Variants in PGM1 observed in about 807,000 individuals in gnomAD.
PGM1 encodes the protein phosphoglucomutase 1, also known as phosphoglucomutase-1.
Under a neutral mutation model 55.6 loss-of-function variants are expected in PGM1, and 52 were observed. The ratio of observed to expected loss-of-function variants is 0.94; its 90% CI spans 0.75 to 1.18. The LOEUF is 1.18. Among genes scored for constraint, PGM1 ranks in the 50% most tolerant of loss-of-function variants. The pLI is 0.00. For missense variants in PGM1, 724 were observed against 729.3 expected (o/e 0.99, Z 0.08); for synonymous variants, 287 against 271.7 (o/e 1.06, Z -0.55).
At position 63,593,592 on chromosome 1, in the gene PGM1, A is replaced by T; in HGVS notation, c.104A>T (p.Tyr35Phe). 1 of 1,613,646 alleles carries T rather than the reference A, an allele frequency of 6.2e-7. No individual in the cohort carries two copies. Among genetic ancestry groups the T allele is most frequent in the Non-Finnish European group, 8.5e-7 (1 of 1,179,894 alleles). The change falls in exon 1 of 11, where the codon TAC (tyrosine) becomes TTC (phenylalanine). Residue 35 changes from tyrosine to phenylalanine, a missense_variant. Coordinates refer to ENST00000371084, the MANE Select transcript of PGM1 (RefSeq NM_002633.3). Reference sequence around the variant, plus strand: ...AAGGTGTTCCAGAGCAGCGCCAACTACGCGGAGAACTTCATCCAGAGTATC... The same window carrying T: ...AAGGTGTTCCAGAGCAGCGCCAACTTCGCGGAGAACTTCATCCAGAGTATC... ...RVKVFQSSAN[Y>F]AENFIQSIIS...
rs1649324857 is a variant in PGM1 at position 63,634,967 on chromosome 1, A to T, written c.821A>T (p.Glu274Val). The T allele has an allele frequency of 1.9e-6, 3 of 1,613,922 alleles. No individual in the cohort carries two copies. In the Admixed American group the frequency reaches 5.0e-5, roughly 27 times the overall value. ...CTCACCTATGCAGCTGACCTGGTGG[A>T]GACCATGAAGTCAGGAGAGCATGAT... ...PNLTYAADLV[E>V]TMKSGEHDFG... Residue 274 changes from glutamate to valine, a missense_variant, in exon 5 of 11, where the codon GAG becomes GTG. Transcript: ENST00000371084.
At chr1:63,615,858 C>T (rs1648698356) in intron 1 of PGM1, among the ~76,000 whole-genome samples, 1 of 151,876 alleles carries the variant, frequency 6.6e-6, no homozygotes, top group African/African-American at 2.4e-5. Context: ...GAGGGCCAAC[C>T]ACTGCCTGCC....
At chr1:63,632,653 G>T (rs996752762) in intron 4 of PGM1, among the ~76,000 whole-genome samples, 1 of 152,224 alleles carries the variant, frequency 6.6e-6, no homozygotes, top group Non-Finnish European at 1.5e-5. Context: ...TGGGGAATAG[G>T]CAGGAACTGG....
At chr1:63,643,271 A>G (rs778420848) in intron 7 of PGM1, among the ~76,000 whole-genome samples, 27 of 152,176 alleles carry the variant, frequency 1.8e-4, no homozygotes, top group Non-Finnish European at 3.1e-4. Flanking sequence ...CCTCACCTGT[A>G]TGTCTGTGCT....
chr1:63,633,937 T>TA lies in PGM1; in HGVS notation c.683-892_683-891insA, dbSNP rs1557433792. Among the ~76,000 whole-genome samples, 418 of 90,134 alleles carry TA rather than the reference T, an allele frequency of 4.6e-3. 11 individuals carry two copies. The highest frequency in any genetic ancestry group is 0.018 in the African/African-American group (357 of 19,706). 59.1% of individuals were successfully genotyped at this position (90,134 alleles called of 152,430 possible). A position where few individuals can be genotyped will look rare whatever the true frequency, so the allele number is the denominator to read the frequency against. ...GTGTGTGTATATATATATATATTTT[T>TA]TTTTTTTTTTTTTTTTTTTTTTTTA... On this transcript the variant is annotated intron_variant, in intron 4 of 10. Coordinates refer to ENST00000371084, the MANE Select transcript of PGM1 (RefSeq NM_002633.3).
At chr1:63,595,637 C>T (rs910887182) in intron 1 of PGM1, among the ~76,000 whole-genome samples, 7 of 152,046 alleles carry the variant, frequency 4.6e-5, no homozygotes, top group African/African-American at 1.7e-4. Flanking sequence ...GCTGAATTTG[C>T]ATTTCATTCA....
intron 5 of PGM1, among the ~76,000 whole-genome samples, chr1:63,635,853 C>G (rs1025720523): frequency 3.6e-4 from 55 of 152,178 alleles, no homozygotes; most frequent in Admixed American, 3.6e-3. Context: ...ACCTACCAAA[C>G]TATGTAAACA....
intron 1 of PGM1, among the ~76,000 whole-genome samples, chr1:63,612,440 C>T (rs1312482064): frequency 6.6e-6 from 1 of 152,172 alleles, no homozygotes; most frequent in African/African-American, 2.4e-5. Flanking sequence ...TTAAATTATA[C>T]ATTTATAGAC....
intron 10 of PGM1, among the ~76,000 whole-genome samples, chr1:63,657,943 C>T (rs140413535): frequency 3.3e-4 from 50 of 152,332 alleles, no homozygotes; most frequent in Middle Eastern, 3.4e-3. Flanking sequence ...AGATAAATGC[C>T]TGGCACGTGG....
intron 1 of PGM1, among the ~76,000 whole-genome samples, chr1:63,597,265 A>C (rs1201225466): frequency 6.6e-6 from 1 of 152,198 alleles, no homozygotes; most frequent in Admixed American, 6.5e-5. Flanking sequence ...TGGTAGGAGG[A>C]ATTCTTAGCA....
Position 63,593,647 on chromosome 1 carries a change from G to C in PGM1, c.159G>C (p.Gln53His). ...CCACCGTGGAGCCGGCGCAGCGGCA[G>C]GAGGCCACGCTGGTGGTGGGCGGGG... The part of the protein sequence containing the change: ...IISTVEPAQR[Q>H]EATLVVGGDG... Residue 53 changes from glutamine to histidine, a missense_variant, in exon 1 of 11, where the codon CAG becomes CAC. Physicochemically the swap from Gln to His is conservative, Grantham distance 24. Coordinates refer to ENST00000371084, the MANE Select transcript of PGM1 (RefSeq NM_002633.3). 1 of 1,610,988 alleles carries C rather than the reference G, an allele frequency of 6.2e-7. No individual in the cohort carries two copies. The highest frequency in any genetic ancestry group is 8.5e-7 in the Non-Finnish European group (1 of 1,178,948).
rs376910518 is a variant in PGM1 at position 63,614,773 on chromosome 1, TA to T, written c.247-14651del. On this transcript the variant is annotated intron_variant, in intron 1 of 10. Coordinates refer to ENST00000371084, the MANE Select transcript of PGM1 (RefSeq NM_002633.3). ...TAATCTCTGTATCCCCCATTTTCCTTATCCCTAGGATAAGGGCTGAGAATAA... is the reference window on the plus strand; with the variant it reads ...TAATCTCTGTATCCCCCATTTTCCTTTCCCTAGGATAAGGGCTGAGAATAA... Among the ~76,000 whole-genome samples, 476 of 152,340 alleles carry T rather than the reference TA, an allele frequency of 3.1e-3. 3 individuals are homozygous for T. The highest frequency in any genetic ancestry group is 0.011 in the African/African-American group (451 of 41,582).
chr1:63,619,648 C>T (rs1237114576), intron 1 of PGM1, among the ~76,000 whole-genome samples: 2 of 152,208 alleles, frequency 1.3e-5, no homozygotes, highest in East Asian at 3.9e-4. Flanking sequence ...CCAGCACTTT[C>T]AAAATAAAGT....
chr1:63,607,179 G>A (rs1000365085), intron 1 of PGM1, among the ~76,000 whole-genome samples: 3 of 152,246 alleles, frequency 2.0e-5, no homozygotes, highest in East Asian at 3.9e-4. Context: ...CAGTCTCTAC[G>A]TTTGTGTGGG....
At chr1:63,637,218 A>T (rs945512316) in intron 6 of PGM1, among the ~76,000 whole-genome samples, 1 of 152,204 alleles carries the variant, frequency 6.6e-6, no homozygotes, top group Admixed American at 6.5e-5. Context: ...GTAGACACTA[A>T]ATATTTTGCA....
chr1:63,646,280 A>G (rs1258137846), intron 7 of PGM1, among the ~76,000 whole-genome samples: 2 of 152,194 alleles, frequency 1.3e-5, no homozygotes, highest in Admixed American at 6.5e-5. Context: ...GTACAGTTCT[A>G]TTCAGAAATC....
At chr1:63,593,781 C>G (rs1194011380) in intron 1 of PGM1, 47 bp downstream of exon 1, 2 of 1,520,594 alleles carry the variant, frequency 1.3e-6, no homozygotes, top group East Asian at 5.1e-5. Context: ...GGCGCGTGTG[C>G]GACGTGCGGC....
chr1:63,658,625 G>A (rs1207149692), intron 10 of PGM1, among the ~76,000 whole-genome samples: 1 of 152,032 alleles, frequency 6.6e-6, no homozygotes, highest in African/African-American at 2.4e-5. Flanking sequence ...GGTGGCGCAT[G>A]CCTGTAATCC....
At chr1:63,630,712 T>A (rs921167391) in intron 3 of PGM1, among the ~76,000 whole-genome samples, 1 of 152,250 alleles carries the variant, frequency 6.6e-6, no homozygotes, top group Admixed American at 6.5e-5. Context: ...ATTATTGTAA[T>A]AATTGACAGA....
Sources: gnomAD v4.1 joint callset for allele counts (sites outside exome capture counted in the v4.1 genomes callset) on GRCh38, gnomAD v4.1.1 for gene constraint, MANE v1.5 for transcripts, NCBI Gene and HGNC (gene_info 2026-07-23, HGNC 2026-07-21) for gene names.